CDH20: variants seen among roughly 807,000 people sequenced by gnomAD.
CDH20 encodes cadherin 20.
CDH20 carries 29 observed loss-of-function variants against 74.2 expected under a neutral mutation model. The ratio of observed to expected loss-of-function variants is 0.39; its 90% confidence interval spans 0.29 to 0.53. CDH20 has a LOEUF of 0.53. CDH20 is among the 20% of genes least tolerant of loss of function. The probability of loss-of-function intolerance (pLI) is 0.69; values close to 1 mark genes in which losing one functional copy is unlikely to be tolerated. For missense variants in CDH20, 988 were observed against 1,048.3 expected (o/e 0.94, Z 0.79); for synonymous variants, 469 against 405.4 (o/e 1.16, Z -1.88).
At chr18:61,339,085 G>A (rs938340764) in intron 1 of CDH20, among the ~76,000 whole-genome samples, 2 of 152,076 alleles carry the variant, frequency 1.3e-5, no homozygotes, top group African/African-American at 2.4e-5. Flanking sequence ...GCCTGTGACC[G>A]TTAGTAATAA....
chr18:61,351,431 T>C (rs1910302722), intron 1 of CDH20, among the ~76,000 whole-genome samples: 1 of 152,190 alleles, frequency 6.6e-6, no homozygotes, highest in Admixed American at 6.5e-5. Context: ...CTTAATCTCT[T>C]TGATCAGGTT....
Position 61,550,048 on chromosome 18 carries a change from T to C in CDH20, c.1719T>C (p.Pro573=), listed in dbSNP as rs756164472. The C allele has an allele frequency of 1.2e-6, 2 of 1,614,188 alleles. No individual in the cohort carries two copies. The highest frequency in any genetic ancestry group is 3.3e-5 in the Admixed American group (2 of 60,030). ...AGGAGCAGAGTGTCTTTCACCTGCC[T>C]ATCCTGATAGCAGATAGCGGGCAGC... The part of the protein sequence containing the change: ...RQQEQSVFHL[P]ILIADSGQPV... Residue 573 remains proline, a synonymous_variant, in exon 11 of 12, where the codon CCT becomes CCC. Coordinates refer to ENST00000262717, the MANE Select transcript of CDH20 (RefSeq NM_031891.4).
At chr18:61,363,262 C>T (rs961277729) in intron 1 of CDH20, among the ~76,000 whole-genome samples, 1 of 152,278 alleles carries the variant, frequency 6.6e-6, no homozygotes, top group East Asian at 1.9e-4. Context: ...GGCAGCTACA[C>T]AGCATGGTAT....
At position 61,453,104 on chromosome 18, in the gene CDH20, A is replaced by G. The variant is rs538407596; in HGVS notation, c.-152-37298A>G. 6.6e-5 allele frequency among the ~76,000 whole-genome samples: 10 copies of G among 152,130 alleles called. No individual in the cohort carries two copies. In the East Asian group the frequency reaches 1.7e-3, roughly 27 times the overall value. On this transcript the variant is annotated intron_variant, in intron 1 of 11. Transcript: ENST00000262717. ...GATTGATATAGTCCAGATACAAAAC[A>G]TTTCCATCACCACAGGGCCCTTTAT... is the stretch of plus-strand genomic sequence containing the variant.
At chr18:61,384,069 T>C (rs1911519694) in intron 1 of CDH20, among the ~76,000 whole-genome samples, 1 of 152,148 alleles carries the variant, frequency 6.6e-6, no homozygotes, top group Non-Finnish European at 1.5e-5. Flanking sequence ...TTCCCTTAAT[T>C]GAGAGAAACA....
chr18:61,505,579 GC>G (rs1355357511), intron 5 of CDH20, among the ~76,000 whole-genome samples: 1 of 152,012 alleles, frequency 6.6e-6, no homozygotes, highest in Non-Finnish European at 1.5e-5. Context: ...CAAATCATCT[GC>G]CTTCCTCAGG....
intron 4 of CDH20, among the ~76,000 whole-genome samples, chr18:61,501,122 GC>G (rs1029583809): frequency 1.3e-5 from 2 of 152,166 alleles, no homozygotes; most frequent in Non-Finnish European, 2.9e-5. Context: ...GTGGGATGTG[GC>G]CCCCAAAAGG....
intron 1 of CDH20, among the ~76,000 whole-genome samples, chr18:61,340,555 A>T (rs577981392): frequency 3.3e-5 from 5 of 152,308 alleles, no homozygotes; most frequent in South Asian, 2.1e-4. Context: ...ACTAAATAGC[A>T]GCTTATATAA....
chr18:61,493,716 T>C (rs577582954), intron 2 of CDH20, among the ~76,000 whole-genome samples: 26 of 152,276 alleles, frequency 1.7e-4, no homozygotes, highest in Non-Finnish European at 2.9e-4. Context: ...ATATCTTGTA[T>C]CTACTCAGAA....
Position 61,554,776 on chromosome 18 carries a change from G to A in CDH20, c.*81G>A. ...GCGGACAAGGTGCAGCCAACCACAC[G>A]AGCAATACTGTGCTGGAGAGTGAGA... On this transcript the variant is annotated 3_prime_UTR_variant, in exon 12 of 12. Transcript: ENST00000262717. 6 of 1,470,224 alleles carry A rather than the reference G, an allele frequency of 4.1e-6. No individual in the cohort carries two copies. Among genetic ancestry groups the A allele is most frequent in the South Asian group, 4.1e-5 (3 of 73,716 alleles). 91.1% of individuals were successfully genotyped at this position (1,470,224 alleles called of 1,614,324 possible).
At chr18:61,529,383 A>T (rs1484636644) in intron 7 of CDH20, among the ~76,000 whole-genome samples, 1 of 152,226 alleles carries the variant, frequency 6.6e-6, no homozygotes, top group East Asian at 1.9e-4. Context: ...TTCTCCAGAG[A>T]ATAACCATAC....
intron 1 of CDH20, among the ~76,000 whole-genome samples, chr18:61,468,748 C>T (rs1910055608): frequency 6.6e-6 from 1 of 152,224 alleles, no homozygotes. Flanking sequence ...GTGGGGGCCC[C>T]AGTGCCCATT....
chr18:61,460,557 CAG>C (rs1909732268), intron 1 of CDH20, among the ~76,000 whole-genome samples: 1 of 151,890 alleles, frequency 6.6e-6, no homozygotes. Flanking sequence ...AATCACATCT[CAG>C]AATTGTGTGT....
intron 1 of CDH20, among the ~76,000 whole-genome samples, chr18:61,445,089 C>T (rs956702806): frequency 4.6e-5 from 7 of 152,028 alleles, no homozygotes; most frequent in Non-Finnish European, 7.4e-5. Flanking sequence ...CTTATAATTC[C>T]TTCAAAGGTT....
chr18:61,461,115 G>A (rs1362932189), intron 1 of CDH20, among the ~76,000 whole-genome samples: 3 of 151,916 alleles, frequency 2.0e-5, no homozygotes, highest in Non-Finnish European at 4.4e-5. Flanking sequence ...TGTTACATAC[G>A]TGGCCTATAC....
At chr18:61,549,887 C>G in intron 10 of CDH20, 91 bp from the exon 11 acceptor site, 1 of 1,363,906 alleles carries the variant, frequency 7.3e-7, no homozygotes, top group Non-Finnish European at 1.0e-6. Context: ...CTCTTTCCTT[C>G]CTACACCCTG....
intron 6 of CDH20, among the ~76,000 whole-genome samples, chr18:61,514,053 C>T (rs1295937670): frequency 6.6e-6 from 1 of 152,138 alleles, no homozygotes; most frequent in Non-Finnish European, 1.5e-5. Flanking sequence ...GCCTGCCTTG[C>T]TAGATTGGGG....
intron 1 of CDH20, among the ~76,000 whole-genome samples, chr18:61,349,901 A>T (rs574267226): frequency 6.6e-6 from 1 of 152,242 alleles, no homozygotes; most frequent in Non-Finnish European, 1.5e-5. Flanking sequence ...ATGACTAAAA[A>T]ATCAAGGCAA....
chr18:61,403,547 A>C (rs1912225050), intron 1 of CDH20, among the ~76,000 whole-genome samples: 2 of 152,196 alleles, frequency 1.3e-5, no homozygotes, highest in African/African-American at 4.8e-5. Context: ...TAATACCTCA[A>C]GGTGTTACCA....
Sources: allele counts gnomAD v4.1 joint callset (sites outside exome capture counted in the v4.1 genomes callset), GRCh38; gene constraint gnomAD v4.1.1; transcripts MANE v1.5; gene names NCBI Gene and HGNC (gene_info 2026-07-23, HGNC 2026-07-21).